Variants in DSCAM observed in about 807,000 individuals in gnomAD.
DSCAM encodes the protein DS cell adhesion molecule, also known as cell adhesion molecule DSCAM.
Under a neutral mutation model 217.7 loss-of-function variants are expected in DSCAM, and 47 were observed. The observed-to-expected ratio is 0.22, with a 90% confidence interval of 0.17 to 0.28. The LOEUF (loss-of-function observed/expected upper bound fraction) is 0.28. Among genes scored for constraint, DSCAM ranks in the 10% least tolerant of loss-of-function variants. DSCAM has a pLI of 1.00. For missense variants in DSCAM, 2,080 were observed against 2,618.3 expected (o/e 0.79, Z 4.49); for synonymous variants, 1,056 against 1,015.3 (o/e 1.04, Z -0.76).
chr21:40,186,759 CAA>C (rs1470671344), intron 14 of DSCAM, among the ~76,000 whole-genome samples: 3 of 152,134 alleles, frequency 2.0e-5, no homozygotes, highest in African/African-American at 7.2e-5. Context: ...TCAGGCTCTA[CAA>C]AAGTCACCCA....
intron 1 of DSCAM, among the ~76,000 whole-genome samples, chr21:40,820,696 G>C (rs1165591374): frequency 1.3e-5 from 2 of 152,018 alleles, no homozygotes; most frequent in African/African-American, 4.8e-5. Context: ...GAACTCCATA[G>C]CCATGTAAAA....
intron 3 of DSCAM, among the ~76,000 whole-genome samples, chr21:40,396,948 A>G (rs1274046958): frequency 6.6e-6 from 1 of 152,184 alleles, no homozygotes; most frequent in Non-Finnish European, 1.5e-5. Context: ...CACCACATCT[A>G]GACAGTGAGG....
Position 40,044,230 on chromosome 21 carries a change from T to A in DSCAM, c.5231A>T (p.Asn1744Ile). 1 of 1,614,012 alleles carries A rather than the reference T, an allele frequency of 6.2e-7. No individual in the cohort carries two copies. Among genetic ancestry groups the A allele is most frequent in the Non-Finnish European group, 8.5e-7 (1 of 1,179,996 alleles). ...GAGGGTCCACTGGCTGGCATAGCGGTTTCTCGCTGTGGGCCCAGCCTTGGC... is the reference window on the plus strand; with the variant it reads ...GAGGGTCCACTGGCTGGCATAGCGGATTCTCGCTGTGGGCCCAGCCTTGGC... ...RNAKAGPTARNRYASQWTLNR... is the reference protein window; with the variant it reads ...RNAKAGPTARIRYASQWTLNR... The change falls in exon 31 of 33, where the codon AAC (asparagine) becomes ATC (isoleucine). Residue 1744 changes from asparagine (N) to isoleucine (I), a missense_variant. This residue lies in a region of DSCAM where 1,144 missense variants were observed against 1,421.1 expected (regional missense o/e 0.81). Coordinates refer to ENST00000400454, the MANE Select transcript of DSCAM (RefSeq NM_001389.5).
At chr21:40,598,328 G>A (rs1273791121) in intron 3 of DSCAM, among the ~76,000 whole-genome samples, 1 of 152,098 alleles carries the variant, frequency 6.6e-6, no homozygotes, top group Non-Finnish European at 1.5e-5. Flanking sequence ...CACTCACTCA[G>A]TTGCTGAAGA....
chr21:40,022,782 T>TTC (rs1355926867), intron 32 of DSCAM, among the ~76,000 whole-genome samples: 1 of 149,582 alleles, frequency 6.7e-6, no homozygotes, highest in Non-Finnish European at 1.5e-5. Context: ...AATACATTCT[T>TTC]TTTTTTTTTC....
At chr21:40,799,521 T>C (rs909347081) in intron 1 of DSCAM, among the ~76,000 whole-genome samples, 9 of 152,192 alleles carry the variant, frequency 5.9e-5, no homozygotes, top group African/African-American at 2.2e-4. Context: ...AGGACAGAAG[T>C]CCAAGTTCAA....
chr21:40,035,932 A>G (rs1032007412), intron 32 of DSCAM, among the ~76,000 whole-genome samples: 1 of 149,318 alleles, frequency 6.7e-6, no homozygotes, highest in African/African-American at 2.6e-5. Flanking sequence ...ACATAACGAA[A>G]TGAAGCTAGA....
intron 3 of DSCAM, among the ~76,000 whole-genome samples, chr21:40,575,008 C>T (rs565149930): frequency 6.9e-6 from 1 of 144,674 alleles, no homozygotes; most frequent in South Asian, 2.2e-4. Flanking sequence ...TCCCCTGTGA[C>T]CTTCACATAC....
At chr21:40,698,076 C>G (rs62223023) in intron 2 of DSCAM, among the ~76,000 whole-genome samples, 1 of 152,010 alleles carries the variant, frequency 6.6e-6, no homozygotes, top group Non-Finnish European at 1.5e-5. Flanking sequence ...ATGAAGCTTA[C>G]GAAAAGCATC....
chr21:40,674,758 G>A (rs925447297), intron 3 of DSCAM, among the ~76,000 whole-genome samples: 12 of 149,740 alleles, frequency 8.0e-5, no homozygotes, highest in African/African-American at 2.7e-4. Context: ...TCAGCCTCCC[G>A]GGTAGTTGGG....
chr21:40,093,585 C>A, intron 21 of DSCAM, 136 bp downstream of exon 21: 1 of 1,085,364 alleles, frequency 9.2e-7, no homozygotes, highest in Admixed American at 2.5e-5. Context: ...TAGCCACAAC[C>A]CTGTTTCTTG....
At chr21:40,055,700 TA>T in intron 29 of DSCAM, 24 bp downstream of exon 29, 1 of 1,564,814 alleles carries the variant, frequency 6.4e-7, no homozygotes, top group South Asian at 1.1e-5. Flanking sequence ...CCACTTTGTG[TA>T]AAGTGGCAAA....
intron 1 of DSCAM, among the ~76,000 whole-genome samples, chr21:40,820,915 T>C (rs1015881236): frequency 3.3e-5 from 5 of 151,878 alleles, no homozygotes; most frequent in South Asian, 4.1e-4. Context: ...ACTTAGTAAA[T>C]TGCCTTAAAA....
chr21:40,603,370 T>C (rs2146264886), intron 3 of DSCAM, among the ~76,000 whole-genome samples: 1 of 152,314 alleles, frequency 6.6e-6, no homozygotes. Flanking sequence ...ATAGGTCAAC[T>C]ATAACCTTAC....
At chr21:40,472,363 C>A (rs1050547802) in intron 3 of DSCAM, among the ~76,000 whole-genome samples, 6 of 152,298 alleles carry the variant, frequency 3.9e-5, no homozygotes, top group Non-Finnish European at 5.9e-5. Flanking sequence ...TTTAAATTCA[C>A]TAATAACTAT....
chr21:40,062,120 G>T (rs565535097), intron 28 of DSCAM, among the ~76,000 whole-genome samples: 1 of 152,214 alleles, frequency 6.6e-6, no homozygotes, highest in African/African-American at 2.4e-5. Flanking sequence ...CTGAACATTT[G>T]AAGAGGGGGA....
intron 8 of DSCAM, among the ~76,000 whole-genome samples, chr21:40,316,815 C>G (rs1251149387): frequency 6.6e-6 from 1 of 152,180 alleles, no homozygotes; most frequent in Non-Finnish European, 1.5e-5. Flanking sequence ...TATCTAAACC[C>G]TTAACAAGAA....
rs770021050 is a variant in DSCAM, at chr21:40,144,641, T to C, written c.3109A>G (p.Ile1037Val). The C allele has an allele frequency of 5.6e-6, 9 of 1,614,120 alleles. No individual in the cohort carries two copies. The South Asian group carries it at 8.8e-5, about 16-fold the overall frequency. ...YSTGGNFQFN[I>V]ISVDTSGDSE... Reference sequence around the variant, plus strand: ...TCCCCGCTGGTGTCGACACTGATAATGTTGAATTGGAAGTTACCCCCAGTG... The same window carrying C: ...TCCCCGCTGGTGTCGACACTGATAACGTTGAATTGGAAGTTACCCCCAGTG... The change falls in exon 17 of 33, where the codon ATT becomes GTT. Residue 1037 changes from isoleucine to valine, a missense_variant. Ile to Val is a conservative substitution (Grantham distance 29, BLOSUM62 3). Coordinates refer to ENST00000400454, the MANE Select transcript of DSCAM (RefSeq NM_001389.5). This position sits in a 1 kb window ranked among gnomAD's most constrained non-coding sequence, Gnocchi z 4.8.
At chr21:40,656,066 A>G (rs1476880344) in intron 3 of DSCAM, among the ~76,000 whole-genome samples, 1 of 152,088 alleles carries the variant, frequency 6.6e-6, no homozygotes, top group Non-Finnish European at 1.5e-5. Flanking sequence ...CAAAACAAAA[A>G]TAAAGCACTC....
Sources: gnomAD v4.1 joint callset for allele counts (sites outside exome capture counted in the v4.1 genomes callset) on GRCh38, gnomAD v4.1.1 for gene constraint, gnomAD v4.1.1 regional missense constraint, Gnocchi (gnomAD v3.1) non-coding constraint, MANE v1.5 for transcripts, NCBI Gene and HGNC (gene_info 2026-07-23, HGNC 2026-07-21) for gene names.